The following CCDC174 variants were observed in gnomAD, a reference collection of about 807,000 sequenced individuals.
CCDC174 encodes the protein coiled-coil domain-containing protein 174.
CCDC174 carries 37 observed loss-of-function variants against 57.1 expected under a neutral mutation model. The observed-to-expected ratio is 0.65, with a 90% CI of 0.50 to 0.85. The LOEUF (loss-of-function observed/expected upper bound fraction) is 0.85, where lower values mean the gene tolerates loss of function less well. Among genes scored for constraint, CCDC174 ranks in the 40% least tolerant of loss-of-function variants. The pLI is 0.00. For missense variants in CCDC174, 540 were observed against 574.3 expected, an observed-to-expected ratio of 0.94 and a Z score of 0.61; for synonymous variants, 182 against 190.2, an observed-to-expected ratio of 0.96 and a Z score of 0.35.
rs1377039826 is a variant in CCDC174, at chr3:14,654,477, GA to G, written c.99del (p.Lys33AsnfsTer3). The G allele has an allele frequency of 1.9e-6, 3 of 1,607,056 alleles. No homozygotes were observed. The highest frequency in any genetic ancestry group is 1.7e-6 in the Non-Finnish European group (2 of 1,176,760). On this transcript the variant is annotated frameshift_variant, in exon 2 of 11. Transcript: ENST00000383794. LOFTEE classifies it high-confidence loss of function. ...CCGAAAGCAAGAAGAATTCAAACAA[GA>G]AAAACTTCTAAAAGATTCTGGAGTT... ...LFRKQEEFKQEKLLKDSGVFG... is the reference protein window; with the variant it reads ...LFRKQEEFKQXKLLKDSGVFG...
In CCDC174 at chr3:14,661,720, A is replaced by G; in HGVS notation, c.485+13A>G. ...CCAGTGAAGAATGGTTGGTAACATCATGGATTAGCTCAGAGGAACATCCTC... is the reference window on the plus strand; with the variant it reads ...CCAGTGAAGAATGGTTGGTAACATCGTGGATTAGCTCAGAGGAACATCCTC... On this transcript the variant is annotated intron_variant, in intron 5 of 10. Coordinates refer to ENST00000383794, the MANE Select transcript of CCDC174 (RefSeq NM_016474.5). The G allele has an allele frequency of 6.2e-7, 1 of 1,606,134 alleles. No individual in the cohort carries two copies. Among genetic ancestry groups the G allele is most frequent in the Non-Finnish European group, 8.5e-7 (1 of 1,176,564 alleles).
At chr3:14,655,048 TC>T (rs1190931276) in intron 2 of CCDC174, among the ~76,000 whole-genome samples, 2 of 152,208 alleles carry the variant, frequency 1.3e-5, no homozygotes, top group Non-Finnish European at 2.9e-5. Flanking sequence ...TGGGCGTGGT[TC>T]CCACGCCTCT....
intron 9 of CCDC174, 24 bp from the exon 10 acceptor site, chr3:14,669,910 G>A (rs771170540): frequency 1.9e-6 from 3 of 1,611,542 alleles, no homozygotes; most frequent in Admixed American, 3.3e-5. Flanking sequence ...TTATAACAGT[G>A]TCTTATTCTT....
Position 14,668,093 on chromosome 3 carries a change from A to G in CCDC174, c.864A>G (p.Arg288=). The G allele has an allele frequency of 6.2e-7, 1 of 1,607,514 alleles. No individual in the cohort carries two copies. The highest frequency in any genetic ancestry group is 1.7e-4 in the Middle Eastern group (1 of 6,042). ...AACGAGAAAACATAAAGGAAAAGCG[A>G]AAGGCTATCTTAGAGGCAAGACTTG... ...RTKRENIKEK[R]KAILEARLAK... Residue 288 remains arginine, a synonymous_variant, in exon 9 of 11, where the codon CGA becomes CGG. Transcript: ENST00000383794.
intron 5 of CCDC174, among the ~76,000 whole-genome samples, chr3:14,664,716 A>T (rs2031257767): frequency 6.6e-6 from 1 of 152,248 alleles, no homozygotes; most frequent in Non-Finnish European, 1.5e-5. Context: ...GAATTGTCTC[A>T]ACTAGGTTAA....
At chr3:14,668,770 A>G (rs2124849162) in intron 9 of CCDC174, among the ~76,000 whole-genome samples, 1 of 152,336 alleles carries the variant, frequency 6.6e-6, no homozygotes, top group Non-Finnish European at 1.5e-5. Flanking sequence ...AATGGCTCAA[A>G]CAAAATAGAG....
At chr3:14,666,655 T>C in intron 6 of CCDC174, 150 bp from the exon 7 acceptor site, 2 of 595,278 alleles carry the variant, frequency 3.4e-6, no homozygotes, top group Non-Finnish European at 5.6e-6. Flanking sequence ...GTTTTATTGA[T>C]TTTCCAGCAG....
Position 14,672,180 on chromosome 3 carries a change from C to T in CCDC174, c.*986C>T, listed in dbSNP as rs1335177906. ...GATGACCAGGCCCATAGGGCTCCCA[C>T]AGCTGGTTCCCAGGCCAGTGAGTGC... On this transcript the variant is annotated 3_prime_UTR_variant, in exon 11 of 11. Coordinates refer to ENST00000383794, the MANE Select transcript of CCDC174 (RefSeq NM_016474.5). The T allele has an allele frequency of 6.6e-6, 1 of 152,492 alleles. No homozygotes were observed. Among genetic ancestry groups the T allele is most frequent in the Non-Finnish European group, 1.5e-5 (1 of 68,224 alleles). The allele number at this position is 152,492 out of a possible 1,614,324, so 9.4% of individuals were successfully genotyped here. A position where few individuals can be genotyped will look rare whatever the true frequency, so the allele number is the denominator to read the frequency against.
rs927633419 is a variant in CCDC174 at position 14,671,710 on chromosome 3, A to G, written c.*516A>G. On this transcript the variant is annotated 3_prime_UTR_variant, in exon 11 of 11. Transcript: ENST00000383794. Reference sequence around the variant, plus strand: ...CGGAAGTAATCACATAGGAAATGATAAGGAAGACCAGGAGGAGCTCTTCGT... The same window carrying G: ...CGGAAGTAATCACATAGGAAATGATGAGGAAGACCAGGAGGAGCTCTTCGT... 3 of 153,178 alleles carry G rather than the reference A, an allele frequency of 2.0e-5. No individual in the cohort carries two copies. Among genetic ancestry groups the G allele is most frequent in the Non-Finnish European group, 4.4e-5 (3 of 68,804 alleles). The allele number at this position is 153,178 out of a possible 1,614,324, so 9.5% of individuals were successfully genotyped here.
chr3:14,667,218 G>A, intron 7 of CCDC174: 1 of 617,550 alleles, frequency 1.6e-6, no homozygotes, highest in Non-Finnish European at 2.8e-6. Flanking sequence ...CCCTTGTTAT[G>A]CTTCCCTTGG....
chr3:14,655,359 C>T (rs1355019556), intron 2 of CCDC174, among the ~76,000 whole-genome samples, 170 bp from the exon 3 acceptor site: 1 of 151,216 alleles, frequency 6.6e-6, no homozygotes, highest in African/African-American at 2.4e-5. Context: ...CTTTTTTTAG[C>T]TCCTGCTTGC....
At chr3:14,664,054 GA>G (rs139197297) in intron 5 of CCDC174, among the ~76,000 whole-genome samples, 19,765 of 152,038 alleles carry the variant, frequency 0.13, 1,434 homozygotes, top group African/African-American at 0.16. Context: ...CATTTGGGGG[GA>G]AAAAAAGGAA....
Position 14,666,809 on chromosome 3 carries a change from A to G in CCDC174, c.586A>G (p.Ile196Val), listed in dbSNP as rs886421328. 24 of 1,576,776 alleles carry G rather than the reference A, an allele frequency of 1.5e-5. No individual in the cohort carries two copies. The highest frequency in any genetic ancestry group is 1.6e-5 in the Non-Finnish European group (19 of 1,170,004). The stretch of plus-strand genomic sequence containing the variant: ...TTTGCTCTGTTTTCCTGCTAGTTTT[A>G]TTAGTCCTGCTAATGAAAAAACCCT... The part of the protein sequence containing the change: ...MDKNLQGRLF[I>V]SPANEKTLLS... Residue 196 changes from isoleucine (I) to valine (V), a missense_variant, in exon 7 of 11, where the codon ATT (isoleucine) becomes GTT (valine). By Grantham distance (29) the Ile-to-Val change is conservative. Transcript: ENST00000383794.
intron 9 of CCDC174, 152 bp downstream of exon 9, chr3:14,668,333 T>G: frequency 1.5e-6 from 1 of 682,432 alleles, no homozygotes. Flanking sequence ...GCAATTTTTA[T>G]AACCAAAGTG....
intron 8 of CCDC174, 69 bp downstream of exon 8, chr3:14,667,587 A>G: frequency 9.3e-7 from 1 of 1,077,794 alleles, no homozygotes; most frequent in Admixed American, 1.9e-5. Flanking sequence ...ACCATACTGC[A>G]GAAAAATCTA....
chr3:14,659,366 A>T (rs1575069557), intron 4 of CCDC174, among the ~76,000 whole-genome samples: 1 of 151,816 alleles, frequency 6.6e-6, no homozygotes, highest in Non-Finnish European at 1.5e-5. Flanking sequence ...TCTATTTTCA[A>T]TTTTTTTTCT....
At chr3:14,666,694 CCT>C in intron 6 of CCDC174, 109 bp from the exon 7 acceptor site, 2 of 853,466 alleles carry the variant, frequency 2.3e-6, no homozygotes, top group Middle Eastern at 3.7e-4. Flanking sequence ...TCTGTAGTTC[CCT>C]GTTTTCTTTA....
Position 14,666,873 on chromosome 3 carries a change from A to G in CCDC174, c.650A>G (p.Gln217Arg). The change falls in exon 7 of 11, where the codon CAA (glutamine) becomes CGA (arginine). Residue 217 changes from glutamine to arginine, a missense_variant. Gln to Arg is a conservative substitution (Grantham distance 43). Transcript: ENST00000383794. ...EDMRKELQRQ[Q>R]WEEEEREALK... ...ATGAGAAAAGAACTTCAGCGCCAGC[A>G]ATGGGAGGAAGAAGAAAGAGAGGCC... The G allele has an allele frequency of 6.2e-7, 1 of 1,607,316 alleles. No individual in the cohort carries two copies. Among genetic ancestry groups the G allele is most frequent in the Non-Finnish European group, 8.5e-7 (1 of 1,178,102 alleles).
chr3:14,660,455 G>C (rs2031093038), intron 4 of CCDC174, among the ~76,000 whole-genome samples: 1 of 152,222 alleles, frequency 6.6e-6, no homozygotes. Flanking sequence ...AGTGAGCCAA[G>C]ATAGTGCCAC....
Sources: gnomAD v4.1 joint callset for allele counts (sites outside exome capture counted in the v4.1 genomes callset) on GRCh38, gnomAD v4.1.1 for gene constraint, MANE v1.5 for transcripts, NCBI Gene and HGNC (gene_info 2026-07-23, HGNC 2026-07-21) for gene names.